Variants in TTC7A observed in about 807,000 individuals in gnomAD.
The protein encoded by TTC7A is tetratricopeptide repeat domain 7A, also known as tetratricopeptide repeat protein 7A.
In TTC7A, 110 loss-of-function variants were observed where a neutral mutation model predicts 103.7. The ratio of observed to expected loss-of-function variants is 1.06; its 90% confidence interval spans 0.91 to 1.24. The LOEUF is 1.24. Among genes scored for constraint, TTC7A ranks in the 50% most tolerant of loss-of-function variants. TTC7A has a pLI of 0.00. For synonymous variants in TTC7A, 521 were observed against 467.9 expected (o/e 1.11, Z -1.47); for missense variants, 1,340 against 1,116.3 (o/e 1.20, Z -2.86).
intron 3 of TTC7A, among the ~76,000 whole-genome samples, chr2:46,970,171 G>T (rs114264230): frequency 2.6e-5 from 4 of 152,126 alleles, no homozygotes; most frequent in East Asian, 1.9e-4. Flanking sequence ...TTCTATTTTG[G>T]GGGGGACGGG....
intron 2 of TTC7A, among the ~76,000 whole-genome samples, chr2:46,917,563 G>C (rs1427978526): frequency 6.6e-6 from 1 of 152,206 alleles, no homozygotes; most frequent in Non-Finnish European, 1.5e-5. Context: ...GCTGGTGTCT[G>C]GTAGATGGAT....
At chr2:47,040,135 C>A (rs1215977233) in intron 15 of TTC7A, among the ~76,000 whole-genome samples, 1 of 152,188 alleles carries the variant, frequency 6.6e-6, no homozygotes, top group Non-Finnish European at 1.5e-5. Flanking sequence ...AAGGCTCTGG[C>A]AGCATCCTGA....
chr2:46,975,982 C>T (rs1226998169), intron 4 of TTC7A, among the ~76,000 whole-genome samples: 1 of 152,208 alleles, frequency 6.6e-6, no homozygotes, highest in Non-Finnish European at 1.5e-5. Flanking sequence ...GGTGATCCAC[C>T]TGCCTCAGCC....
At chr2:46,956,583 C>G (rs1671872156) in intron 2 of TTC7A, 2 of 487,670 alleles carry the variant, frequency 4.1e-6, no homozygotes, top group African/African-American at 1.9e-5. Context: ...TGGAGTCTTG[C>G]TGGGGGCATA....
At chr2:46,994,595 GC>G in intron 7 of TTC7A, 81 bp downstream of exon 7, 2 of 1,438,958 alleles carry the variant, frequency 1.4e-6, no homozygotes, top group Non-Finnish European at 9.6e-7. Flanking sequence ...CTTCCTCTTT[GC>G]CCCATGCTCT....
intron 15 of TTC7A, among the ~76,000 whole-genome samples, chr2:47,031,391 C>T (rs746788390): frequency 2.0e-5 from 3 of 152,322 alleles, no homozygotes; most frequent in East Asian, 1.9e-4. Flanking sequence ...GCTCCATCTG[C>T]GCACCTCTCT....
At chr2:46,968,788 G>A (rs1673087728) in intron 3 of TTC7A, among the ~76,000 whole-genome samples, 1 of 152,078 alleles carries the variant, frequency 6.6e-6, no homozygotes, top group Non-Finnish European at 1.5e-5. Flanking sequence ...AATCTTAACT[G>A]TATAATTTCA....
intron 3 of TTC7A, among the ~76,000 whole-genome samples, chr2:46,972,001 AGGG>A (rs1294018382): frequency 3.0e-4 from 46 of 151,814 alleles, no homozygotes; most frequent in African/African-American, 1.1e-3. Context: ...GAAGGAAGGA[AGGG>A]AGGAAGAAGA....
At chr2:46,957,982 A>C (rs891582583) in intron 3 of TTC7A, among the ~76,000 whole-genome samples, 6 of 152,146 alleles carry the variant, frequency 3.9e-5, no homozygotes, top group Non-Finnish European at 5.9e-5. Context: ...CCCAGAGAGG[A>C]TAACTTGCCC....
At chr2:47,043,458 C>G (rs928454589) in intron 15 of TTC7A, among the ~76,000 whole-genome samples, 5 of 152,126 alleles carry the variant, frequency 3.3e-5, no homozygotes, top group Non-Finnish European at 7.4e-5. Flanking sequence ...AGTCCCGGAG[C>G]CTGTTCCGAG....
At position 46,934,787 on chromosome 2, in the gene TTC7A, CTTTTTTTTTTTT is replaced by C. The variant is rs1161003607; in HGVS notation, c.83-15555_83-15544del. Among the ~76,000 whole-genome samples, 387 of 66,858 alleles carry C rather than the reference CTTTTTTTTTTTT, an allele frequency of 5.8e-3. 5 individuals are homozygous for C. Among genetic ancestry groups the C allele is most frequent in the African/African-American group, 0.023 (348 of 15,376 alleles). 43.9% of individuals were successfully genotyped at this position (66,858 alleles called of 152,430 possible). The stretch of plus-strand genomic sequence containing the variant: ...GGAATAAGGTATGAAGACTACTGCT[CTTTTTTTTTTTT>C]TTTTTTTTTTTTTTTTTTTTGAGAC... On this transcript the variant is annotated intron_variant, in intron 2 of 20. Coordinates refer to the TTC7A transcript ENST00000409245.
Position 47,046,368 on chromosome 2 carries a change from C to A in TTC7A, c.1856C>A (p.Ala619Asp). The part of the protein sequence containing the change: ...LEQVLKGPEE[A>D]LVTCRQVLRL... Reference sequence around the variant, plus strand: ...CAGGTGCTGAAAGGCCCAGAGGAAGCCCTCGTGACCTGCAGACAAGTGCTG... The same window carrying A: ...CAGGTGCTGAAAGGCCCAGAGGAAGACCTCGTGACCTGCAGACAAGTGCTG... Residue 619 changes from alanine to aspartate, a missense_variant, in exon 16 of 20, where the codon GCC becomes GAC. Physicochemically the swap from Ala to Asp is moderately radical, Grantham distance 126 (BLOSUM62 -2). Transcript: ENST00000319190. 1 of 1,614,208 alleles carries A rather than the reference C, an allele frequency of 6.2e-7. No homozygotes were observed. The highest frequency in any genetic ancestry group is 8.5e-7 in the Non-Finnish European group (1 of 1,180,042).
Position 46,993,537 on chromosome 2 carries a change from G to A in TTC7A, c.843+9G>A, listed in dbSNP as rs1411542890. On this transcript the variant is annotated intron_variant, in intron 6 of 19. Transcript: ENST00000319190. ...CTCAGAACTTCAAAGTGGTAATGTGGGGTGCTGGCAGTGCTGGCTTATTTA... is the reference window on the plus strand; with the variant it reads ...CTCAGAACTTCAAAGTGGTAATGTGAGGTGCTGGCAGTGCTGGCTTATTTA... 6.2e-7 allele frequency: 1 copy of A among 1,613,780 alleles called. No individual in the cohort carries two copies. The highest frequency in any genetic ancestry group is 1.3e-5 in the African/African-American group (1 of 74,904).
upstream of TTC7A, among the ~76,000 whole-genome samples, chr2:46,939,776 GT>G (rs1310586456): frequency 6.6e-6 from 1 of 152,204 alleles, no homozygotes; most frequent in Non-Finnish European, 1.5e-5. Context: ...GTGAAATCCG[GT>G]TCTGGTGACC....
At chr2:46,958,331 G>A (rs1193057993) in intron 3 of TTC7A, among the ~76,000 whole-genome samples, 1 of 152,238 alleles carries the variant, frequency 6.6e-6, no homozygotes, top group African/African-American at 2.4e-5. Context: ...CAGTCTTGGG[G>A]GTGATCTGCA....
chr2:46,937,889 T>C (rs928650891), upstream of TTC7A, among the ~76,000 whole-genome samples: 26 of 152,180 alleles, frequency 1.7e-4, no homozygotes, highest in African/African-American at 6.0e-4. This position sits in a 1 kb window ranked among gnomAD's most constrained non-coding sequence, Gnocchi z 4.0. Context: ...GAGAGAAGTC[T>C]GTTCAGCAGG....
intron 1 of TTC7A, among the ~76,000 whole-genome samples, chr2:46,949,986 C>G (rs1046302860): frequency 1.3e-5 from 2 of 152,132 alleles, no homozygotes; most frequent in African/African-American, 4.8e-5. Context: ...TATTTTTTCT[C>G]TTCAATCATT....
Position 47,011,400 on chromosome 2 carries a change from A to G in TTC7A, c.1357A>G (p.Met453Val). The change falls in exon 11 of 20, where the codon ATG becomes GTG. Residue 453 changes from methionine to valine, a missense_variant. Physicochemically the swap from Met to Val is conservative, Grantham distance 21. Coordinates refer to ENST00000319190, the MANE Select transcript of TTC7A (RefSeq NM_020458.4). Reference protein sequence around the residue: ...LRPSDPTVPLMAAKVCIGSLR... With the variant: ...LRPSDPTVPLVAAKVCIGSLR... ...GCCCTCGGACCCCACCGTGCCCCTG[A>G]TGGCCGCGAAGGTCTGCATCGGGTC... 6.2e-7 allele frequency: 1 copy of G among 1,610,752 alleles called. No homozygotes were observed. The highest frequency in any genetic ancestry group is 1.7e-4 in the Middle Eastern group (1 of 6,054).
At chr2:47,002,286 G>A (rs1019586153) in intron 8 of TTC7A, among the ~76,000 whole-genome samples, 1 of 152,190 alleles carries the variant, frequency 6.6e-6, no homozygotes, top group Non-Finnish European at 1.5e-5. Context: ...GGTGGGTGTG[G>A]GGGTTATGGC....
Sources: allele counts gnomAD v4.1 joint callset (sites outside exome capture counted in the v4.1 genomes callset), GRCh38; gene constraint gnomAD v4.1.1; non-coding constraint Gnocchi (gnomAD v3.1); transcripts MANE v1.5; gene names NCBI Gene and HGNC (gene_info 2026-07-23, HGNC 2026-07-21).